RNGTT: variants seen among roughly 807,000 people sequenced by gnomAD.
RNGTT encodes the protein mRNA-capping enzyme.
A neutral mutation model predicts 79.3 loss-of-function variants in RNGTT; 33 were observed. The observed-to-expected ratio is 0.42, with a 90% confidence interval of 0.32 to 0.56. The LOEUF (loss-of-function observed/expected upper bound fraction) is 0.56. RNGTT is among the 20% of genes least tolerant of loss of function. The pLI is 0.17. For synonymous variants in RNGTT, 222 were observed against 235.9 expected (o/e 0.94, Z 0.54); for missense variants, 497 against 739.1 (o/e 0.67, Z 3.80).
intron 14 of RNGTT, among the ~76,000 whole-genome samples, chr6:88,639,172 T>TAGAGGAGGTAA (rs1773216086): frequency 1.3e-5 from 2 of 151,772 alleles, no homozygotes; most frequent in Admixed American, 6.6e-5. Context: ...GTCTATTTCT[T>TAGAGGAGGTAA]CATCTACACT....
At chr6:88,635,228 T>C (rs1773055961) in intron 14 of RNGTT, among the ~76,000 whole-genome samples, 1 of 152,146 alleles carries the variant, frequency 6.6e-6, no homozygotes, top group Non-Finnish European at 1.5e-5. Context: ...GTATATGTAT[T>C]ATGTATATGA....
chr6:88,817,989 G>C (rs977018311), intron 11 of RNGTT, among the ~76,000 whole-genome samples: 2 of 151,400 alleles, frequency 1.3e-5, no homozygotes, highest in Non-Finnish European at 2.9e-5. Flanking sequence ...TCGATCTCCT[G>C]ACCTCGTGAT....
At chr6:88,850,739 C>G (rs1255208130) in intron 9 of RNGTT, among the ~76,000 whole-genome samples, 2 of 151,954 alleles carry the variant, frequency 1.3e-5, no homozygotes, top group African/African-American at 4.8e-5. Flanking sequence ...TGACCATTAG[C>G]TGCATCCTGA....
intron 6 of RNGTT, among the ~76,000 whole-genome samples, chr6:88,896,287 TACAAGATA>T (rs985026124): frequency 1.3e-5 from 2 of 152,144 alleles, no homozygotes; most frequent in African/African-American, 4.8e-5. Context: ...TACATGACAT[TACAAGATA>T]ACATCCTACT....
At chr6:88,927,361 T>C (rs1251648846) in intron 4 of RNGTT, among the ~76,000 whole-genome samples, 1 of 152,008 alleles carries the variant, frequency 6.6e-6, no homozygotes, top group Non-Finnish European at 1.5e-5. Flanking sequence ...ACCCCATCTC[T>C]ACTAAAAATA....
chr6:88,694,747 T>C (rs1255916989), intron 13 of RNGTT, among the ~76,000 whole-genome samples: 1 of 152,240 alleles, frequency 6.6e-6, no homozygotes, highest in South Asian at 2.1e-4. Flanking sequence ...TAAAAATAGA[T>C]ACGCTGACCA....
intron 13 of RNGTT, among the ~76,000 whole-genome samples, chr6:88,700,321 T>A (rs1049439567): frequency 6.6e-6 from 1 of 152,172 alleles, no homozygotes; most frequent in Non-Finnish European, 1.5e-5. Context: ...TCATTTCTAA[T>A]TGAATGGAGA....
intron 4 of RNGTT, among the ~76,000 whole-genome samples, chr6:88,912,886 C>A (rs552083361): frequency 1.3e-5 from 2 of 152,066 alleles, no homozygotes; most frequent in East Asian, 3.9e-4. Context: ...TGAAATTGAA[C>A]CAGTTATAAA....
intron 11 of RNGTT, among the ~76,000 whole-genome samples, chr6:88,810,773 T>C (rs1780112913): frequency 6.6e-6 from 1 of 152,186 alleles, no homozygotes; most frequent in Non-Finnish European, 1.5e-5. Flanking sequence ...ATGTAAGAAG[T>C]ACTAAGCTAA....
chr6:88,919,644 CTAGA>C (rs1055081363), intron 4 of RNGTT, among the ~76,000 whole-genome samples: 2 of 148,842 alleles, frequency 1.3e-5, no homozygotes, highest in Admixed American at 6.7e-5. Flanking sequence ...ATCTCACTAG[CTAGA>C]TAAATTTTTT....
chr6:88,706,337 C>A (rs138746988), intron 13 of RNGTT, among the ~76,000 whole-genome samples: 4 of 151,834 alleles, frequency 2.6e-5, no homozygotes, highest in African/African-American at 9.7e-5. Context: ...ATAGAGGTCC[C>A]TCTGTATTTT....
chr6:88,910,842 T>A (rs189342808), intron 4 of RNGTT, among the ~76,000 whole-genome samples: 2 of 152,280 alleles, frequency 1.3e-5, no homozygotes, highest in Admixed American at 1.3e-4. Flanking sequence ...ATATTTAGCA[T>A]CCTAGGAGAA....
chr6:88,728,819 T>C (rs1207943003), intron 13 of RNGTT, among the ~76,000 whole-genome samples: 4 of 152,206 alleles, frequency 2.6e-5, no homozygotes, highest in Non-Finnish European at 4.4e-5. Context: ...AAAATAGCTA[T>C]TGTAGAAGTT....
chr6:88,890,466 T>TAA, intron 8 of RNGTT, 29 bp downstream of exon 8: 1 of 1,365,512 alleles, frequency 7.3e-7, no homozygotes. Flanking sequence ...TAGGGTTATT[T>TAA]GTGTAATTTT....
chr6:88,847,716 TAAAC>T (rs1186213199), intron 10 of RNGTT, among the ~76,000 whole-genome samples: 1 of 151,986 alleles, frequency 6.6e-6, no homozygotes, highest in Non-Finnish European at 1.5e-5. Context: ...ATTAATTTCT[TAAAC>T]AAAACAAAAA....
At chr6:88,864,490 T>A (rs1782108221) in intron 8 of RNGTT, among the ~76,000 whole-genome samples, 1 of 152,134 alleles carries the variant, frequency 6.6e-6, no homozygotes, top group African/African-American at 2.4e-5. Context: ...GAAAATTATA[T>A]GGCACTCTAC....
chr6:88,954,012 C>G (rs1440065011), intron 1 of RNGTT, among the ~76,000 whole-genome samples: 1 of 151,982 alleles, frequency 6.6e-6, no homozygotes, highest in Non-Finnish European at 1.5e-5. Flanking sequence ...CAAAATACAC[C>G]AAAATAGAAC....
intron 13 of RNGTT, among the ~76,000 whole-genome samples, chr6:88,758,637 G>T (rs1778101879): frequency 6.6e-6 from 1 of 152,134 alleles, no homozygotes. Flanking sequence ...TAGTCAGAAT[G>T]CTAGGTATAG....
At chr6:88,662,047 C>G (rs1158048462) in intron 14 of RNGTT, among the ~76,000 whole-genome samples, 1 of 152,132 alleles carries the variant, frequency 6.6e-6, no homozygotes, top group African/African-American at 2.4e-5. Context: ...ACCACATAAA[C>G]AGAATTAAAA....
Sources: gnomAD v4.1 joint callset for allele counts (sites outside exome capture counted in the v4.1 genomes callset) on GRCh38, gnomAD v4.1.1 for gene constraint, MANE v1.5 for transcripts, NCBI Gene and HGNC (gene_info 2026-07-23, HGNC 2026-07-21) for gene names.